The following EIF4EBP1 variants were observed in gnomAD, a reference collection of about 807,000 sequenced individuals.
EIF4EBP1 encodes the protein eukaryotic translation initiation factor 4E binding protein 1.
Under a neutral mutation model 9.2 loss-of-function variants are expected in EIF4EBP1, and 5 were observed. The ratio of observed to expected loss-of-function variants is 0.54; its 90% CI spans 0.28 to 1.14. EIF4EBP1 has a LOEUF of 1.14. Ranked by LOEUF, EIF4EBP1 falls within the 50% of genes most tolerant of loss-of-function variation. EIF4EBP1 has a pLI of 0.09. For missense variants in EIF4EBP1, 139 were observed against 169.6 expected (o/e 0.82, Z 1.00); for synonymous variants, 62 against 67.0 (o/e 0.93, Z 0.36).
chr8:38,056,266 A>G (rs1254144665), intron 1 of EIF4EBP1, among the ~76,000 whole-genome samples: 1 of 152,162 alleles, frequency 6.6e-6, no homozygotes, highest in Non-Finnish European at 1.5e-5. Flanking sequence ...TGCTGAGATT[A>G]CAGGTGTGAG....
At chr8:38,033,858 T>C (rs1809262181) in intron 1 of EIF4EBP1, among the ~76,000 whole-genome samples, 1 of 151,754 alleles carries the variant, frequency 6.6e-6, no homozygotes, top group South Asian at 2.1e-4. Flanking sequence ...GCCATTCTCT[T>C]GCCTCAGCCT....
intron 1 of EIF4EBP1, among the ~76,000 whole-genome samples, chr8:38,052,185 C>T (rs962883447): frequency 6.6e-6 from 1 of 152,178 alleles, no homozygotes; most frequent in Non-Finnish European, 1.5e-5. Flanking sequence ...GTTTCCATTT[C>T]CTGACCTTGT....
intron 1 of EIF4EBP1, among the ~76,000 whole-genome samples, chr8:38,039,128 G>A (rs1809342251): frequency 6.6e-6 from 1 of 152,018 alleles, no homozygotes; most frequent in South Asian, 2.1e-4. Context: ...CCAAGCTCAG[G>A]TGATCCGCCC....
At chr8:38,055,482 T>C (rs1186381117) in intron 1 of EIF4EBP1, among the ~76,000 whole-genome samples, 1 of 152,136 alleles carries the variant, frequency 6.6e-6, no homozygotes, top group African/African-American at 2.4e-5. Flanking sequence ...CAAACTTGGG[T>C]TATTCATATT....
intron 1 of EIF4EBP1, chr8:38,047,196 A>ATCACTTGT (rs1392907183): frequency 6.6e-6 from 1 of 152,158 alleles, no homozygotes; most frequent in Admixed American, 6.6e-5. Flanking sequence ...CTTGGCTGTA[A>ATCACTTGT]TCACTTGTTT....
rs374499620 is a variant in EIF4EBP1, at chr8:38,057,030, G to A, written c.146-51G>A. On this transcript the variant is annotated intron_variant, in intron 1 of 2. Transcript: ENST00000338825. ...CACGCCTTTAAAAAGTGGAAAAACC[G>A]GCAGGCAAGAGGCTGCAGATGGCTT... is the stretch of plus-strand genomic sequence containing the variant. 65 of 1,595,244 alleles carry A rather than the reference G, an allele frequency of 4.1e-5. No individual in the cohort carries two copies. The Middle Eastern group carries it at 9.9e-4, about 24-fold the overall frequency.
chr8:38,041,996 GAA>G (rs376179372), intron 1 of EIF4EBP1, among the ~76,000 whole-genome samples: 1 of 142,282 alleles, frequency 7.0e-6, no homozygotes. Flanking sequence ...TGTCTCAGAA[GAA>G]AAAAAAAAAG....
chr8:38,032,555 G>T (rs1248277878), intron 1 of EIF4EBP1, among the ~76,000 whole-genome samples: 1 of 152,166 alleles, frequency 6.6e-6, no homozygotes, highest in Non-Finnish European at 1.5e-5. Context: ...TTCACTTTGG[G>T]TTGGGAAGTG....
chr8:38,060,323 C>CA lies in EIF4EBP1; in HGVS notation c.*388_*389insA. 1 of 298,296 alleles carries CA rather than the reference C, an allele frequency of 3.4e-6. No individual in the cohort carries two copies. The highest frequency in any genetic ancestry group is 6.4e-6 in the Non-Finnish European group (1 of 157,458). 18.5% of individuals were successfully genotyped at this position (298,296 alleles called of 1,614,324 possible). On this transcript the variant is annotated 3_prime_UTR_variant, in exon 3 of 3. Transcript: ENST00000338825. ...TGGGAAAGCTCCCTCCCCCTCCTTC[C>CA]CCAAGAGAGGAAATAAAAGCCACCT...
chr8:38,031,619 C>T (rs1809222075), intron 1 of EIF4EBP1, among the ~76,000 whole-genome samples: 1 of 152,204 alleles, frequency 6.6e-6, no homozygotes, highest in South Asian at 2.1e-4. Context: ...CGCTGCTTTC[C>T]ATACTACTAG....
Position 38,057,123 on chromosome 8 carries a change from G to A in EIF4EBP1, c.188G>A (p.Arg63Gln), listed in dbSNP as rs765723849. 10 of 1,614,060 alleles carry A rather than the reference G, an allele frequency of 6.2e-6. No individual in the cohort carries two copies. The highest frequency in any genetic ancestry group is 1.6e-4 in the Middle Eastern group (1 of 6,082). Residue 63 changes from arginine (R) to glutamine (Q), a missense_variant, in exon 2 of 3, where the codon CGG becomes CAG. Transcript: ENST00000338825. ...IYDRKFLMEC[R>Q]NSPVTKTPPR... ...GACCGGAAATTCCTGATGGAGTGTC[G>A]GAACTCACCTGTGACCAAAACACCC...
In EIF4EBP1 at chr8:38,031,419, G is replaced by T. The variant is rs374835754; in HGVS notation, c.145+701G>T. On this transcript the variant is annotated intron_variant, in intron 1 of 2. Transcript: ENST00000338825. ...AAGAGGAAGCTGAGCTGGCACGGGTGGGGGGGCCAGCCTCGGGCTGCCCTC... is the reference window on the plus strand; with the variant it reads ...AAGAGGAAGCTGAGCTGGCACGGGTTGGGGGGCCAGCCTCGGGCTGCCCTC... 5.3e-5 allele frequency among the ~76,000 whole-genome samples: 8 copies of T among 152,178 alleles called. No individual in the cohort carries two copies. In the East Asian group the frequency reaches 5.8e-4, roughly 11 times the overall value.
intron 1 of EIF4EBP1, among the ~76,000 whole-genome samples, chr8:38,048,388 T>TA (rs1205810119): frequency 1.3e-4 from 20 of 152,174 alleles, no homozygotes; most frequent in Non-Finnish European, 2.4e-4. Flanking sequence ...TATATATATA[T>TA]TTTTTAAAAA....
intron 1 of EIF4EBP1, among the ~76,000 whole-genome samples, chr8:38,050,962 G>A (rs1809512370): frequency 6.6e-6 from 1 of 152,096 alleles, no homozygotes; most frequent in African/African-American, 2.4e-5. Flanking sequence ...GGAGAGGAGA[G>A]GGCTTAAGGC....
At chr8:38,034,447 G>A (rs542217432) in intron 1 of EIF4EBP1, among the ~76,000 whole-genome samples, 3 of 152,328 alleles carry the variant, frequency 2.0e-5, no homozygotes, top group Admixed American at 1.3e-4. Context: ...GCCGAAGGGA[G>A]TGTCATGTAT....
At chr8:38,041,943 G>A (rs187426228) in intron 1 of EIF4EBP1, among the ~76,000 whole-genome samples, 106 of 152,074 alleles carry the variant, frequency 7.0e-4, no homozygotes, top group African/African-American at 2.5e-3. Flanking sequence ...GGTGAGCTAT[G>A]ATCACGCCAC....
At position 38,057,163 on chromosome 8, in the gene EIF4EBP1, C is replaced by A. The variant is rs1469117756; in HGVS notation, c.228C>A (p.Pro76=). ...CCAAAACACCCCCAAGGGATCTGCCCACCATTCCGGGGGTCACCAGCCCTT... is the reference window on the plus strand; with the variant it reads ...CCAAAACACCCCCAAGGGATCTGCCAACCATTCCGGGGGTCACCAGCCCTT... ...PVTKTPPRDL[P]TIPGVTSPSS... Residue 76 remains proline (P), a synonymous_variant, in exon 2 of 3, where the codon CCC becomes CCA. Coordinates refer to ENST00000338825, the MANE Select transcript of EIF4EBP1 (RefSeq NM_004095.4). The A allele has an allele frequency of 1.2e-6, 2 of 1,614,250 alleles. No individual in the cohort carries two copies. The highest frequency in any genetic ancestry group is 8.5e-7 in the Non-Finnish European group (1 of 1,180,044).
At chr8:38,036,856 C>T (rs955935559) in intron 1 of EIF4EBP1, among the ~76,000 whole-genome samples, 1 of 151,856 alleles carries the variant, frequency 6.6e-6, no homozygotes, top group Non-Finnish European at 1.5e-5. Context: ...CGCCATGTTG[C>T]CCAGGCTGGC....
At chr8:38,059,322 C>T (rs900480269) in intron 2 of EIF4EBP1, among the ~76,000 whole-genome samples, 1 of 152,314 alleles carries the variant, frequency 6.6e-6, no homozygotes, top group Non-Finnish European at 1.5e-5. Context: ...CTCTCTCTTG[C>T]TCCTGCTTCC....
Sources: allele counts gnomAD v4.1 joint callset (sites outside exome capture counted in the v4.1 genomes callset), GRCh38; gene constraint gnomAD v4.1.1; transcripts MANE v1.5; gene names NCBI Gene and HGNC (gene_info 2026-07-23, HGNC 2026-07-21).